SRPK3: variants seen among roughly 807,000 people sequenced by gnomAD.
SRPK3 encodes SFRS protein kinase 3.
A neutral mutation model predicts 45.3 loss-of-function variants in SRPK3; 26 were observed. The observed-to-expected ratio is 0.57, with a 90% CI of 0.42 to 0.80. The LOEUF (loss-of-function observed/expected upper bound fraction) is 0.80, where lower values mean the gene tolerates loss of function less well. Ranked by LOEUF, SRPK3 falls within the 30% of genes least tolerant of loss-of-function variation. The probability of loss-of-function intolerance (pLI) is 0.00; values close to 1 mark genes in which losing one functional copy is unlikely to be tolerated. For synonymous variants in SRPK3, 254 were observed against 226.6 expected (o/e 1.12, Z -1.09); for missense variants, 536 against 514.5 (o/e 1.04, Z -0.40).
rs782188087 is a variant in SRPK3 at position 153,781,796 on chromosome X, A to G, written c.353A>G (p.Glu118Gly). 1 of 1,211,522 alleles carries G rather than the reference A, an allele frequency of 8.3e-7. No homozygotes were observed. Among genetic ancestry groups the G allele is most frequent in the Admixed American group, 2.2e-5 (1 of 46,127 alleles). Residue 118 changes from glutamate (E) to glycine (G), a missense_variant, in exon 4 of 15, where the codon GAG becomes GGG. Glu to Gly is a moderately conservative substitution (Grantham distance 98). Transcript: ENST00000370101. ...GTGAAGAGTGCGGGGCATTACACGGAGACAGCTGTGGATGAGATCAAGCTC... is the reference window on the plus strand; with the variant it reads ...GTGAAGAGTGCGGGGCATTACACGGGGACAGCTGTGGATGAGATCAAGCTC... ...KVVKSAGHYT[E>G]TAVDEIKLLK...
intron 5 of SRPK3, among the ~76,000 whole-genome samples, 157 bp from the exon 6 acceptor site, chrX:153,782,615 C>T (rs782194548): frequency 8.8e-6 from 1 of 113,332 alleles, no homozygotes; most frequent in Non-Finnish European, 1.9e-5. Context: ...GGGACACTAT[C>T]GATGATGACA....
At chrX:153,781,884 G>A in intron 4 of SRPK3, 54 bp downstream of exon 4, 1 of 1,175,197 alleles carries the variant, frequency 8.5e-7, no homozygotes, top group Non-Finnish European at 1.2e-6. Context: ...CTGGGGCCTG[G>A]CAATGCGGGT....
Position 153,784,079 on chromosome X carries a change from C to T in SRPK3, c.1013C>T (p.Pro338Leu). Residue 338 changes from proline (P) to leucine (L), a missense_variant, in exon 10 of 15, where the codon CCA becomes CTA. Physicochemically the swap from Pro to Leu is moderately conservative, Grantham distance 98. Transcript: ENST00000370101. ...TCCCCAGCCTCTTCCTCCCCCGCCC[C>T]AGGGGGCGGCCGTAGCCTCAGCGCG... ...GPSPASSSPAPGGGRSLSAGS... is the reference protein window; with the variant it reads ...GPSPASSSPALGGGRSLSAGS... 1.7e-6 allele frequency: 2 copies of T among 1,210,300 alleles called. No individual in the cohort carries two copies. Among genetic ancestry groups the T allele is most frequent in the South Asian group, 1.8e-5 (1 of 56,939 alleles).
In SRPK3 at chrX:153,783,003, G is replaced by A. The variant is rs782166144; in HGVS notation, c.633G>A (p.Thr211=). The change falls in exon 7 of 15, where the codon ACG becomes ACA. Residue 211 remains threonine (T), a synonymous_variant. Transcript: ENST00000370101. ...ACACCAAGTGCAAGATCATCCACAC[G>A]GACATCAAGCCCGAGAACATCTTGC... The part of the protein sequence containing the change: ...YLHTKCKIIH[T]DIKPENILLC... 20 of 1,185,930 alleles carry A rather than the reference G, an allele frequency of 1.7e-5. No individual in the cohort carries two copies. The highest frequency in any genetic ancestry group is 3.8e-5 in the South Asian group (2 of 53,165).
chrX:153,781,292 G>A lies in SRPK3; in HGVS notation c.136G>A (p.Gly46Ser), dbSNP rs782654953. ...CACACCGGTGCCTCAGATGCTGCAGGGCCTTCTGGGCTCCGACGACGAGGA... is the reference window on the plus strand; with the variant it reads ...CACACCGGTGCCTCAGATGCTGCAGAGCCTTCTGGGCTCCGACGACGAGGA... ...LATPVPQMLQGLLGSDDEEQE... is the reference protein window; with the variant it reads ...LATPVPQMLQSLLGSDDEEQE... The change falls in exon 2 of 15, where the codon GGC (glycine) becomes AGC (serine). Residue 46 changes from glycine (G) to serine (S), a missense_variant. Physicochemically the swap from Gly to Ser is moderately conservative, Grantham distance 56 (BLOSUM62 0). Coordinates refer to ENST00000370101, the MANE Select transcript of SRPK3 (RefSeq NM_014370.4). 1.7e-6 allele frequency: 2 copies of A among 1,207,138 alleles called. No individual in the cohort carries two copies. The highest frequency in any genetic ancestry group is 2.2e-6 in the Non-Finnish European group (2 of 893,296).
rs976156491 is a variant in SRPK3 at position 153,781,093 on chromosome X, G to A, written c.7G>A (p.Ala3Thr). Reference sequence around the variant, plus strand: ...TGCGGGCTGCGTGGCCGGGATGAGCGCCAGCACGGGCGGTGGTGGGGACAG... The same window carrying A: ...TGCGGGCTGCGTGGCCGGGATGAGCACCAGCACGGGCGGTGGTGGGGACAG... MSASTGGGGDSGG... is the reference protein window; with the variant it reads MSTSTGGGGDSGG... Residue 3 changes from alanine (A) to threonine (T), a missense_variant, in exon 1 of 15, where the codon GCC (alanine) becomes ACC (threonine). Ala to Thr is a moderately conservative substitution (Grantham distance 58). Transcript: ENST00000370101. The A allele has an allele frequency of 1.2e-5, 13 of 1,101,456 alleles. No homozygotes were observed. The highest frequency in any genetic ancestry group is 3.8e-5 in the African/African-American group (2 of 53,083). 90.8% of individuals were successfully genotyped at this position (1,101,456 alleles called of 1,213,427 possible). A position where few individuals can be genotyped will look rare whatever the true frequency, so the allele number is the denominator to read the frequency against.
intron 5 of SRPK3, among the ~76,000 whole-genome samples, chrX:153,782,428 G>A (rs936625924): frequency 3.5e-5 from 4 of 113,317 alleles, no homozygotes; most frequent in African/African-American, 9.6e-5. Context: ...ATCCCCAAAC[G>A]GCAGGTGCTG....
chrX:153,785,644 G>A lies in SRPK3; in HGVS notation c.*124G>A, dbSNP rs1192054821. The A allele has an allele frequency of 9.6e-6, 9 of 938,670 alleles. No individual in the cohort carries two copies. Among genetic ancestry groups the A allele is most frequent in the Non-Finnish European group, 1.0e-5 (7 of 685,437 alleles). The allele number at this position is 938,670 out of a possible 1,213,427, so 77.4% of individuals were successfully genotyped here. On this transcript the variant is annotated 3_prime_UTR_variant, in exon 15 of 15. Coordinates refer to ENST00000370101, the MANE Select transcript of SRPK3 (RefSeq NM_014370.4). ...CAGAGAGACGCTGGAGCCAGGCCCG[G>A]CTCTCAGAGCGTGTTCTGCCTGAGA...
Position 153,782,119 on chromosome X carries a change from A to G in SRPK3, c.388-2A>G. On this transcript the variant is annotated splice_acceptor_variant, in intron 4 of 14. Coordinates refer to ENST00000370101, the MANE Select transcript of SRPK3 (RefSeq NM_014370.4). LOFTEE classifies it high-confidence loss of function. Reference sequence around the variant, plus strand: ...TCTGTGGCCCCTTGGCTTTTGCTCCAGGTCCGGGACAGCGACCCCAGTGAC... The same window carrying G: ...TCTGTGGCCCCTTGGCTTTTGCTCCGGGTCCGGGACAGCGACCCCAGTGAC... 1 of 1,210,405 alleles carries G rather than the reference A, an allele frequency of 8.3e-7. No individual in the cohort carries two copies. The highest frequency in any genetic ancestry group is 1.1e-6 in the Non-Finnish European group (1 of 894,355).
Position 153,784,025 on chromosome X carries a change from G to A in SRPK3, c.959G>A (p.Cys320Tyr). 8.3e-7 allele frequency: 1 copy of A among 1,206,949 alleles called. No homozygotes were observed. Among genetic ancestry groups the A allele is most frequent in the African/African-American group, 1.7e-5 (1 of 57,761 alleles). Residue 320 changes from cysteine (C) to tyrosine (Y), a missense_variant, in exon 10 of 15, where the codon TGT (cysteine) becomes TAT (tyrosine). By Grantham distance (194) the Cys-to-Tyr change is radical. Transcript: ENST00000370101. ...GGSGSTSSSG[C>Y]HPGGARAGPS... ...AGCGGCTCCACATCCTCTTCAGGCT[G>A]TCACCCCGGGGGCGCCAGAGCAGGT... is the stretch of plus-strand genomic sequence containing the variant.
At position 153,783,056 on chromosome X, in the gene SRPK3, G is replaced by A. The variant is rs782362977; in HGVS notation, c.686G>A (p.Arg229His). 1.5e-5 allele frequency: 18 copies of A among 1,175,231 alleles called. No individual in the cohort carries two copies. The highest frequency in any genetic ancestry group is 1.5e-4 in the East Asian group (5 of 33,364). ...TGTGTGGGGGACGCTTACATCAGGC[G>A]CCTGGCTGCCGAGGCCACGGAGTGG... is the stretch of plus-strand genomic sequence containing the variant. ...LLCVGDAYIR[R>H]LAAEATEWQQ... The change falls in exon 7 of 15, where the codon CGC becomes CAC. Residue 229 changes from arginine (R) to histidine (H), a missense_variant. Coordinates refer to ENST00000370101, the MANE Select transcript of SRPK3 (RefSeq NM_014370.4).
intron 4 of SRPK3, 77 bp downstream of exon 4, chrX:153,781,907 G>A (rs781815019): frequency 3.6e-5 from 39 of 1,090,926 alleles, no homozygotes; most frequent in Admixed American, 1.2e-4. Context: ...AAGGCCTGCC[G>A]GGGCTCTGTG....
At position 153,785,499 on chromosome X, in the gene SRPK3, G is replaced by C. The variant is rs1156666872; in HGVS notation, c.1683G>C (p.Gln561His). The C allele has an allele frequency of 1.7e-6, 2 of 1,208,753 alleles. No individual in the cohort carries two copies. Among genetic ancestry groups the C allele is most frequent in the East Asian group, 5.9e-5 (2 of 33,764 alleles). The change falls in exon 15 of 15, where the codon CAG becomes CAC. Residue 561 changes from glutamine to histidine, a missense_variant. By Grantham distance (24) the Gln-to-His change is conservative. Transcript: ENST00000370101. ...EKRASAADCL[Q>H]HPWLNP The stretch of plus-strand genomic sequence containing the variant: ...GGGCCAGTGCCGCTGACTGCCTCCA[G>C]CACCCCTGGCTCAACCCCTAGGCCC...
At chrX:153,781,988 G>C (rs1473423365) in intron 4 of SRPK3, 133 bp from the exon 5 acceptor site, 2 of 875,960 alleles carry the variant, frequency 2.3e-6, no homozygotes, top group Non-Finnish European at 3.3e-6. Context: ...TGGAGGAACA[G>C]GCGAGGGACA....
At chrX:153,785,241 A>G (rs2092079579) in intron 14 of SRPK3, 68 bp downstream of exon 14, 1 of 1,178,840 alleles carries the variant, frequency 8.5e-7, no homozygotes, top group African/African-American at 1.8e-5. Context: ...TGGATTCTGC[A>G]ACAGAGGGAA....
intron 8 of SRPK3, 49 bp from the exon 9 acceptor site, chrX:153,783,703 C>G: frequency 8.3e-7 from 1 of 1,202,240 alleles, no homozygotes; most frequent in Non-Finnish European, 1.1e-6. Flanking sequence ...CCACTTCATG[C>G]TGACTGGGGC....
chrX:153,784,501 C>T, intron 11 of SRPK3, 107 bp downstream of exon 11: 7 of 937,470 alleles, frequency 7.5e-6, no homozygotes, highest in South Asian at 2.2e-5. Context: ...CGTGAACCGT[C>T]GGCTGGGTGG....
Position 153,781,302 on chromosome X carries a change from G to C in SRPK3, c.146G>C (p.Gly49Ala). The change falls in exon 2 of 15, where the codon GGC (glycine) becomes GCC (alanine). Residue 49 changes from glycine to alanine, a missense_variant. Physicochemically the swap from Gly to Ala is moderately conservative, Grantham distance 60 (BLOSUM62 0). Transcript: ENST00000370101. ...CCTCAGATGCTGCAGGGCCTTCTGGGCTCCGACGACGAGGAACAGGAAGAC... is the reference window on the plus strand; with the variant it reads ...CCTCAGATGCTGCAGGGCCTTCTGGCCTCCGACGACGAGGAACAGGAAGAC... ...PVPQMLQGLL[G>A]SDDEEQEDPK... 8.3e-7 allele frequency: 1 copy of C among 1,206,851 alleles called. No homozygotes were observed. Among genetic ancestry groups the C allele is most frequent in the Non-Finnish European group, 1.1e-6 (1 of 893,178 alleles).
In SRPK3 at chrX:153,785,594, G is replaced by C. The variant is rs1603254749; in HGVS notation, c.*74G>C. On this transcript the variant is annotated 3_prime_UTR_variant, in exon 15 of 15. Transcript: ENST00000370101. ...GGGACAGCTCCCACCACCCTGCTGG[G>C]CGCCAGTTCTCCACAACCACAGGGC... The C allele has an allele frequency of 1.6e-5, 18 of 1,124,313 alleles. No individual in the cohort carries two copies. The East Asian group carries it at 5.5e-4, about 34-fold the overall frequency. The allele number at this position is 1,124,313 out of a possible 1,213,427, so 92.7% of individuals were successfully genotyped here.
Sources: allele counts gnomAD v4.1 joint callset (sites outside exome capture counted in the v4.1 genomes callset), GRCh38; gene constraint gnomAD v4.1.1; transcripts MANE v1.5; gene names NCBI Gene and HGNC (gene_info 2026-07-23, HGNC 2026-07-21).